Variants in P3H2 observed in about 807,000 individuals in gnomAD.
The protein encoded by P3H2 is leprecan-like 1.
A neutral mutation model predicts 87.0 loss-of-function variants in P3H2; 80 were observed. That is an observed-to-expected ratio of 0.92 (90% confidence interval 0.77 to 1.11). P3H2 has a LOEUF of 1.11. Ranked by LOEUF, P3H2 falls within the 50% of genes least tolerant of loss-of-function variation. P3H2 has a pLI of 0.00. For missense variants in P3H2, 1,001 were observed against 923.9 expected, an observed-to-expected ratio of 1.08 and a Z score of -1.08; for synonymous variants, 367 against 359.3, an observed-to-expected ratio of 1.02 and a Z score of -0.24.
At chr3:190,119,160 G>GGGAGGGGAGAGGAGAGGAGA (rs1560025782) in intron 1 of P3H2, among the ~76,000 whole-genome samples, 1 of 50,904 alleles carries the variant, frequency 2.0e-5, no homozygotes, top group Non-Finnish European at 3.9e-5. Flanking sequence ...GGGAGGGGAG[G>GGGAGGGGAGAGGAGAGGAGA]GGAGGGGAGG....
At chr3:190,005,650 G>A (rs188332898) in intron 1 of P3H2, among the ~76,000 whole-genome samples, 13 of 152,284 alleles carry the variant, frequency 8.5e-5, no homozygotes, top group African/African-American at 3.1e-4. Context: ...AATACGCCAC[G>A]TTCTTCTGTG....
At position 189,988,958 on chromosome 3, in the gene P3H2, C is replaced by T. The variant is rs748750473; in HGVS notation, c.904G>A (p.Glu302Lys). 9.9e-6 allele frequency: 16 copies of T among 1,613,954 alleles called. No homozygotes were observed. Among genetic ancestry groups the T allele is most frequent in the Admixed American group, 1.7e-5 (1 of 59,984 alleles). ...TCATAGTGCAGAGGAAGAAAATTCT[C>T]GATGGGAGAGAGGCGGCCAGGGCGG... Reference protein sequence around the residue: ...ATRPGRLSPIENFLPLHYDYL... With the variant: ...ATRPGRLSPIKNFLPLHYDYL... The change falls in exon 4 of 15, where the codon GAG (glutamate) becomes AAG (lysine). Residue 302 changes from glutamate to lysine, a missense_variant. Transcript: ENST00000319332.
At chr3:189,975,193 C>T (rs199604680) in intron 8 of P3H2, among the ~76,000 whole-genome samples, 1 of 152,228 alleles carries the variant, frequency 6.6e-6, no homozygotes, top group Non-Finnish European at 1.5e-5. Context: ...TCCTACCACA[C>T]AACTGACCCT....
chr3:189,973,356 A>G (rs991687103), intron 10 of P3H2, among the ~76,000 whole-genome samples: 2 of 151,948 alleles, frequency 1.3e-5, no homozygotes, highest in African/African-American at 4.8e-5. Context: ...ACAAAGAGGG[A>G]TTGTATGTAT....
chr3:189,970,095 ATTTGTGTG>A (rs1723124582), intron 13 of P3H2, among the ~76,000 whole-genome samples: 1 of 143,856 alleles, frequency 7.0e-6, no homozygotes, highest in Admixed American at 6.9e-5. Flanking sequence ...TTGTTTACAT[ATTTGTGTG>A]TGTGTGTGTG....
At chr3:190,075,086 C>T (rs1183894724) in intron 1 of P3H2, among the ~76,000 whole-genome samples, 1 of 152,154 alleles carries the variant, frequency 6.6e-6, no homozygotes, top group Non-Finnish European at 1.5e-5. Flanking sequence ...ATGCTATGGC[C>T]AATACAGAGG....
In P3H2 at chr3:190,120,879, G is replaced by T. The variant is rs752369526; in HGVS notation, c.-148C>A. ...CCGCGAGCCCCAGGTGACCGCCGGC[G>T]CTCCGCGTACTGAGAGGCGGAGGCC... On this transcript the variant is annotated 5_prime_UTR_variant, in exon 1 of 15. Coordinates refer to ENST00000319332, the MANE Select transcript of P3H2 (RefSeq NM_018192.4). 3.1e-6 allele frequency: 4 copies of T among 1,299,824 alleles called. No homozygotes were observed. Among genetic ancestry groups the T allele is most frequent in the Non-Finnish European group, 4.0e-6 (4 of 992,796 alleles). The allele number at this position is 1,299,824 out of a possible 1,614,324, so 80.5% of individuals were successfully genotyped here. A position where few individuals can be genotyped will look rare whatever the true frequency, so the allele number is the denominator to read the frequency against.
At chr3:190,101,176 C>T (rs1711612853) in intron 1 of P3H2, among the ~76,000 whole-genome samples, 2 of 152,014 alleles carry the variant, frequency 1.3e-5, no homozygotes, top group African/African-American at 4.8e-5. Context: ...TCCCTGTCCC[C>T]TGAGACACAA....
At chr3:190,110,793 T>C (rs1407097714) in intron 1 of P3H2, among the ~76,000 whole-genome samples, 3 of 152,244 alleles carry the variant, frequency 2.0e-5, no homozygotes, top group Admixed American at 6.5e-5. Flanking sequence ...AAGAAGAATA[T>C]GTCAAAATTG....
At chr3:190,048,331 A>AC (rs1176827495) in intron 1 of P3H2, among the ~76,000 whole-genome samples, 2 of 152,074 alleles carry the variant, frequency 1.3e-5, no homozygotes, top group African/African-American at 4.8e-5. Flanking sequence ...CCCCATCTCT[A>AC]CTAAAAAATA....
intron 1 of P3H2, among the ~76,000 whole-genome samples, chr3:190,092,230 C>CAAA (rs10693056): frequency 0.025 from 3,450 of 137,964 alleles, 73 homozygotes; most frequent in African/African-American, 0.04. Flanking sequence ...GAGACTCCGT[C>CAAA]AAAAAAAAAA....
At chr3:190,117,410 G>T (rs1489307739) in intron 1 of P3H2, among the ~76,000 whole-genome samples, 1 of 152,120 alleles carries the variant, frequency 6.6e-6, no homozygotes, top group Non-Finnish European at 1.5e-5. Flanking sequence ...GAGAATAATT[G>T]TACTTTCTTA....
At chr3:190,033,071 C>A (rs1051751848) in intron 1 of P3H2, among the ~76,000 whole-genome samples, 68 of 152,270 alleles carry the variant, frequency 4.5e-4, no homozygotes, top group African/African-American at 1.6e-3. Flanking sequence ...ATAAGGAACT[C>A]GGAACCTAGA....
chr3:189,987,780 G>A (rs369504197), intron 4 of P3H2, 111 bp from the exon 5 acceptor site: 5 of 1,252,562 alleles, frequency 4.0e-6, no homozygotes, highest in East Asian at 2.3e-5. Context: ...TGAATAAGAG[G>A]GAAGATAAAT....
At chr3:190,037,753 A>G (rs1725469153) in intron 1 of P3H2, among the ~76,000 whole-genome samples, 1 of 152,004 alleles carries the variant, frequency 6.6e-6, no homozygotes, top group Non-Finnish European at 1.5e-5. Context: ...TGTCTAAAAC[A>G]TTTCTTGCGC....
intron 1 of P3H2, among the ~76,000 whole-genome samples, chr3:190,088,875 C>A (rs1229247928): frequency 6.6e-6 from 1 of 152,174 alleles, no homozygotes; most frequent in Non-Finnish European, 1.5e-5. Flanking sequence ...CAAACTCCCT[C>A]TACCTTTGGA....
At chr3:189,989,184 C>T in intron 3 of P3H2, 146 bp from the exon 4 acceptor site, 1 of 974,624 alleles carries the variant, frequency 1.0e-6, no homozygotes, top group East Asian at 2.6e-5. Context: ...GACTGCAAAA[C>T]CTTTTTACAA....
chr3:189,972,825 T>TC (rs1196704286), intron 11 of P3H2, 49 bp downstream of exon 11: 1 of 1,601,528 alleles, frequency 6.2e-7, no homozygotes, highest in East Asian at 2.2e-5. Context: ...TTGTTTCATT[T>TC]CCCAATGTAT....
At chr3:189,968,687 T>C (rs1217580830) in intron 13 of P3H2, among the ~76,000 whole-genome samples, 1 of 152,210 alleles carries the variant, frequency 6.6e-6, no homozygotes, top group Non-Finnish European at 1.5e-5. Context: ...TCCACAATGG[T>C]TGAACTAATT....
Sources: allele counts gnomAD v4.1 joint callset (sites outside exome capture counted in the v4.1 genomes callset), GRCh38; gene constraint gnomAD v4.1.1; transcripts MANE v1.5; gene names NCBI Gene and HGNC (gene_info 2026-07-23, HGNC 2026-07-21).